The following NEURL1B variants were observed in gnomAD, a reference collection of about 807,000 sequenced individuals.
NEURL1B encodes E3 ubiquitin-protein ligase NEURL1B.
A neutral mutation model predicts 37.4 loss-of-function variants in NEURL1B; 13 were observed. That is an observed-to-expected ratio of 0.35 (90% CI 0.23 to 0.55). The LOEUF (loss-of-function observed/expected upper bound fraction) is 0.55. NEURL1B is among the 20% of genes least tolerant of loss of function. The pLI, the probability that NEURL1B is intolerant of heterozygous loss-of-function variation, is 0.89. For synonymous variants in NEURL1B, 432 were observed against 426.6 expected, an observed-to-expected ratio of 1.01 and a Z score of -0.16; for missense variants, 790 against 879.2, an observed-to-expected ratio of 0.90 and a Z score of 1.28.
intron 1 of NEURL1B, among the ~76,000 whole-genome samples, chr5:172,642,859 C>A (rs1056161867): frequency 6.6e-6 from 1 of 152,234 alleles, no homozygotes. Context: ...TGGGGGAGAA[C>A]CCACCCGCGG....
chr5:172,690,597 CACTA>C lies in NEURL1B; in HGVS notation c.*3674_*3677del, dbSNP rs1212179604. On this transcript the variant is annotated 3_prime_UTR_variant, in exon 5 of 5. Transcript: ENST00000369800. ...CCAGCTGTGATGCTGGCAGAGGTGA[CACTA>C]AGAGGGAAATGAGATATTTGGGGCA... 1.3e-5 allele frequency: 2 copies of C among 152,254 alleles called. No individual in the cohort carries two copies. The highest frequency in any genetic ancestry group is 4.8e-5 in the African/African-American group (2 of 41,436). The allele number at this position is 152,254 out of a possible 1,614,324, so 9.4% of individuals were successfully genotyped here. A position where few individuals can be genotyped will look rare whatever the true frequency, so the allele number is the denominator to read the frequency against.
At chr5:172,677,406 CTT>C (rs2113319619) in intron 2 of NEURL1B, among the ~76,000 whole-genome samples, 1 of 152,248 alleles carries the variant, frequency 6.6e-6, no homozygotes. Flanking sequence ...GTTCTGCCCT[CTT>C]TAATCTTCCC....
At chr5:172,648,181 G>A (rs115139712) in intron 1 of NEURL1B, among the ~76,000 whole-genome samples, 1,549 of 152,312 alleles carry the variant, frequency 0.01, 24 homozygotes, top group African/African-American at 0.036. Flanking sequence ...GACAAGTGAC[G>A]TAACCTCTCT....
rs1757989154 is a variant in NEURL1B, at chr5:172,665,373, T to C, written c.32-4412T>C. 6.6e-6 allele frequency among the ~76,000 whole-genome samples: 1 copy of C among 152,138 alleles called. No individual in the cohort carries two copies. Among genetic ancestry groups the C allele is most frequent in the African/African-American group, 2.4e-5 (1 of 41,440 alleles). On this transcript the variant is annotated intron_variant, in intron 1 of 4. Coordinates refer to ENST00000369800, the MANE Select transcript of NEURL1B (RefSeq NM_001142651.3). The surrounding 1 kb of genome is among the most constrained non-coding windows in gnomAD (Gnocchi z 4.1). The stretch of plus-strand genomic sequence containing the variant: ...TGCACCCGGGTGCTGTTTCCCCTGC[T>C]CACTTGGGATTTGTCCATTCCTCTT...
intron 1 of NEURL1B, among the ~76,000 whole-genome samples, chr5:172,644,840 G>T (rs963061309): frequency 2.0e-5 from 3 of 152,202 alleles, no homozygotes; most frequent in African/African-American, 4.8e-5. Context: ...AGTGTAAGCA[G>T]GTGGGGATAG....
intron 1 of NEURL1B, among the ~76,000 whole-genome samples, chr5:172,669,518 G>A (rs1471164731): frequency 6.8e-6 from 1 of 147,692 alleles, no homozygotes; most frequent in Non-Finnish European, 1.5e-5. Context: ...TGGCGCCTCT[G>A]ACAGGGAAAC....
At chr5:172,672,511 G>C (rs1758147599) in intron 2 of NEURL1B, among the ~76,000 whole-genome samples, 1 of 150,104 alleles carries the variant, frequency 6.7e-6, no homozygotes, top group Admixed American at 6.7e-5. Flanking sequence ...ATGACTTAAT[G>C]AGATTGCATA....
intron 1 of NEURL1B, among the ~76,000 whole-genome samples, chr5:172,646,874 G>A (rs1395632696): frequency 6.6e-6 from 1 of 151,814 alleles, no homozygotes; most frequent in African/African-American, 2.4e-5. Context: ...AGGTGTGGGG[G>A]GCTGTGGAGT....
chr5:172,666,289 C>A (rs572778406), intron 1 of NEURL1B, among the ~76,000 whole-genome samples: 1 of 152,290 alleles, frequency 6.6e-6, no homozygotes, highest in Admixed American at 6.5e-5. Flanking sequence ...TGACTTTGGG[C>A]AAGTGACTGA....
At position 172,683,374 on chromosome 5, in the gene NEURL1B, A is replaced by ACG. The variant is rs1345773724; in HGVS notation, c.578-40_578-39dup. 3 of 1,274,988 alleles carry ACG rather than the reference A, an allele frequency of 2.4e-6. No individual in the cohort carries two copies. In the Admixed American group the frequency reaches 1.2e-4, roughly 50 times the overall value. The allele number at this position is 1,274,988 out of a possible 1,614,324, so 79.0% of individuals were successfully genotyped here. A position where few individuals can be genotyped will look rare whatever the true frequency, so the allele number is the denominator to read the frequency against. On this transcript the variant is annotated intron_variant, in intron 2 of 4. Coordinates refer to ENST00000369800, the MANE Select transcript of NEURL1B (RefSeq NM_001142651.3). The surrounding 1 kb of genome is among the most constrained non-coding windows in gnomAD (Gnocchi z 5.6). ...CGAGGAGGGGCTCGCGACCAGCCTG[A>ACG]CGCGCGGCCTCTCCCCCTCCATGTC...
In NEURL1B at chr5:172,675,587, C is replaced by G. The variant is rs1758217455; in HGVS notation, c.577+5257C>G. ...TCGCTGAATTTAGCAGTTCCTGGAG[C>G]CAGGAGAGGAAGCTTCTGCCAGGCC... On this transcript the variant is annotated intron_variant, in intron 2 of 4. Transcript: ENST00000369800. The surrounding 1 kb of genome is among the most constrained non-coding windows in gnomAD (Gnocchi z 4.7). Among the ~76,000 whole-genome samples the G allele has an allele frequency of 6.7e-6, 1 of 149,790 alleles. No individual in the cohort carries two copies. Among genetic ancestry groups the G allele is most frequent in the African/African-American group, 2.5e-5 (1 of 40,228 alleles).
rs1757820753 is a variant in NEURL1B, at chr5:172,657,660, T to C, written c.32-12125T>C. On this transcript the variant is annotated intron_variant, in intron 1 of 4. Coordinates refer to ENST00000369800, the MANE Select transcript of NEURL1B (RefSeq NM_001142651.3). This position sits in a 1 kb window ranked among gnomAD's most constrained non-coding sequence, Gnocchi z 4.0. ...CTCCTTGGTCAAGTGGTAACGCCGGTGTCTGGGAAGGCACCTGTTACTTAG... is the reference window on the plus strand; with the variant it reads ...CTCCTTGGTCAAGTGGTAACGCCGGCGTCTGGGAAGGCACCTGTTACTTAG... Among the ~76,000 whole-genome samples the C allele has an allele frequency of 6.6e-6, 1 of 152,116 alleles. No homozygotes were observed. Among genetic ancestry groups the C allele is most frequent in the South Asian group, 2.1e-4 (1 of 4,830 alleles).
rs942961750 is a variant in NEURL1B at position 172,683,921 on chromosome 5, C to T, written c.1080C>T (p.Asp360=). Reference sequence around the variant, plus strand: ...CCAACGAGCTGCCCGCCGACCCAGACGCGCTGCTCGACCGCAAAGAGTACT... The same window carrying T: ...CCAACGAGCTGCCCGCCGACCCAGATGCGCTGCTCGACCGCAAAGAGTACT... The part of the protein sequence containing the change: ...LRPNELPADP[D]ALLDRKEYWV... Residue 360 remains aspartate, a synonymous_variant, in exon 3 of 5, where the codon GAC becomes GAT. Coordinates refer to ENST00000369800, the MANE Select transcript of NEURL1B (RefSeq NM_001142651.3). The surrounding 1 kb of genome is among the most constrained non-coding windows in gnomAD (Gnocchi z 5.6). 4 of 1,408,040 alleles carry T rather than the reference C, an allele frequency of 2.8e-6. No individual in the cohort carries two copies. The African/African-American group carries it at 4.5e-5, about 16-fold the overall frequency. 87.2% of individuals were successfully genotyped at this position (1,408,040 alleles called of 1,614,324 possible).
In NEURL1B at chr5:172,676,573, G is replaced by C. The variant is rs1445533916; in HGVS notation, c.577+6243G>C. 6.6e-6 allele frequency among the ~76,000 whole-genome samples: 1 copy of C among 152,200 alleles called. No homozygotes were observed. Among genetic ancestry groups the C allele is most frequent in the African/African-American group, 2.4e-5 (1 of 41,450 alleles). On this transcript the variant is annotated intron_variant, in intron 2 of 4. Transcript: ENST00000369800. The surrounding 1 kb of genome is among the most constrained non-coding windows in gnomAD (Gnocchi z 4.5). ...TGAGGCAATGGGAGGTGGGGGTGGG[G>C]CAGTTCCCTCCAAAGAAAAGCTGGG... is the stretch of plus-strand genomic sequence containing the variant.
chr5:172,674,597 TG>T (rs1366216110), intron 2 of NEURL1B, among the ~76,000 whole-genome samples: 1 of 152,126 alleles, frequency 6.6e-6, no homozygotes, highest in Admixed American at 6.5e-5. Context: ...TCAGAACCTC[TG>T]GGGGTGGCAC....
At chr5:172,671,652 T>C (rs188053179) in intron 2 of NEURL1B, among the ~76,000 whole-genome samples, 1 of 152,390 alleles carries the variant, frequency 6.6e-6, no homozygotes, top group East Asian at 1.9e-4. Flanking sequence ...TTTTTATTGC[T>C]AAGTATGCTA....
At chr5:172,684,994 T>A (rs139211088) in intron 3 of NEURL1B, among the ~76,000 whole-genome samples, 18 of 152,300 alleles carry the variant, frequency 1.2e-4, no homozygotes, top group African/African-American at 4.1e-4. Context: ...TCCCTTTGAC[T>A]CTATTGAAAT....
chr5:172,641,538 CTCG>C lies in NEURL1B; in HGVS notation c.31+102_31+104del. 1.9e-6 allele frequency: 2 copies of C among 1,054,104 alleles called. No homozygotes were observed. Among genetic ancestry groups the C allele is most frequent in the Non-Finnish European group, 2.4e-6 (2 of 823,172 alleles). The allele number at this position is 1,054,104 out of a possible 1,614,324, so 65.3% of individuals were successfully genotyped here. ...GAGCTACCCCACGGCCCTTGGAGCC[CTCG>C]GCTCGCAGCGGGCTGGAGTCTCCGG... is the stretch of plus-strand genomic sequence containing the variant. On this transcript the variant is annotated intron_variant, in intron 1 of 4. Transcript: ENST00000369800. The surrounding 1 kb of genome is among the most constrained non-coding windows in gnomAD (Gnocchi z 6.4).
intron 3 of NEURL1B, among the ~76,000 whole-genome samples, chr5:172,684,997 A>G (rs189082349): frequency 6.6e-6 from 1 of 152,228 alleles, no homozygotes; most frequent in African/African-American, 2.4e-5. Flanking sequence ...CTTTGACTCT[A>G]TTGAAATCAG....
Sources: gnomAD v4.1 joint callset for allele counts (sites outside exome capture counted in the v4.1 genomes callset) on GRCh38, gnomAD v4.1.1 for gene constraint, Gnocchi (gnomAD v3.1) non-coding constraint, MANE v1.5 for transcripts, NCBI Gene and HGNC (gene_info 2026-07-23, HGNC 2026-07-21) for gene names.